MAP4: variants seen among roughly 807,000 people sequenced by gnomAD.
MAP4 encodes microtubule associated protein 4.
A neutral mutation model predicts 170.2 loss-of-function variants in MAP4; 76 were observed. The observed-to-expected ratio is 0.45, with a 90% CI of 0.37 to 0.54. MAP4 has a LOEUF of 0.54. MAP4 is among the 20% of genes least tolerant of loss of function. MAP4 has a pLI of 0.00. For synonymous variants in MAP4, 909 were observed against 994.5 expected, an observed-to-expected ratio of 0.91 and a Z score of 1.62; for missense variants, 2,506 against 2,748.0, an observed-to-expected ratio of 0.91 and a Z score of 1.97.
intron 1 of MAP4, among the ~76,000 whole-genome samples, chr3:48,047,327 C>T (rs1376799181): frequency 2.6e-5 from 4 of 152,064 alleles, no homozygotes; most frequent in Non-Finnish European, 5.9e-5. Flanking sequence ...GACAGTCTCT[C>T]ACCCAGTTCT....
intron 2 of MAP4, 58 bp downstream of exon 2, chr3:47,998,580 G>A: frequency 7.5e-7 from 1 of 1,329,536 alleles, no homozygotes; most frequent in East Asian, 2.3e-5. Context: ...TTATACCAAA[G>A]GCATAATCCC....
intron 3 of MAP4, among the ~76,000 whole-genome samples, chr3:47,950,858 T>C (rs2100063255): frequency 6.6e-6 from 1 of 152,200 alleles, no homozygotes; most frequent in Admixed American, 6.5e-5. Context: ...TTTCTCCCCA[T>C]AGCTGAGTTG....
At chr3:47,904,827 G>A (rs1201189944) in intron 9 of MAP4, among the ~76,000 whole-genome samples, 1 of 146,456 alleles carries the variant, frequency 6.8e-6, no homozygotes, top group African/African-American at 2.5e-5. Context: ...GCAACATCAT[G>A]CGTGGCTACT....
Position 47,916,780 on chromosome 3 carries a change from T to C in MAP4, c.1047A>G (p.Thr349=), listed in dbSNP as rs764483949. ...ETEVAPAKDV[T]LLKETERASP... Reference sequence around the variant, plus strand: ...ATGCCCTCTCTGTTTCTTTCAACAGTGTCACATCCTTGGCTGGGGCTACCT... The same window carrying C: ...ATGCCCTCTCTGTTTCTTTCAACAGCGTCACATCCTTGGCTGGGGCTACCT... The change falls in exon 7 of 21, where the codon ACA becomes ACG. Residue 349 remains threonine, a synonymous_variant. Coordinates refer to ENST00000683076, the MANE Select transcript of MAP4 (RefSeq NM_001385682.1). The C allele has an allele frequency of 1.9e-6, 3 of 1,614,108 alleles. No individual in the cohort carries two copies. The South Asian group carries it at 3.3e-5, about 18-fold the overall frequency.
At position 47,918,711 on chromosome 3, in the gene MAP4, T is replaced by C. The variant is rs778604277; in HGVS notation, c.652+8A>G. On this transcript the variant is annotated splice_region_variant and intron_variant, in intron 6 of 20. Transcript: ENST00000683076. ...ATTAACTGATAAAGGGAGTCTCTAA[T>C]AGTTTACCTGCCGTTGGCTGAGGAG... The C allele has an allele frequency of 2.5e-6, 4 of 1,603,574 alleles. No individual in the cohort carries two copies. The highest frequency in any genetic ancestry group is 1.7e-4 in the Middle Eastern group (1 of 6,034).
chr3:47,896,667 G>T (rs1322271555), intron 10 of MAP4, among the ~76,000 whole-genome samples: 1 of 152,098 alleles, frequency 6.6e-6, no homozygotes, highest in Non-Finnish European at 1.5e-5. Context: ...CTAAGTCCCT[G>T]GACTGGAGAA....
In MAP4 at chr3:47,867,259, G is replaced by A; in HGVS notation, c.6488C>T (p.Pro2163Leu). The A allele has an allele frequency of 6.2e-7, 1 of 1,611,262 alleles. No homozygotes were observed. The highest frequency in any genetic ancestry group is 8.5e-7 in the Non-Finnish European group (1 of 1,177,576). ...GCTTATACTTACATTACCACCTCCA[G>A]GGACATGCTTAATATTGTCCTTGGA... is the stretch of plus-strand genomic sequence containing the variant. ...CGSKDNIKHV[P>L]GGGNVQIQNK... The change falls in exon 17 of 21, where the codon CCT becomes CTT. Residue 2163 changes from proline (P) to leucine (L), a missense_variant. Pro to Leu is a moderately conservative substitution (Grantham distance 98, BLOSUM62 -3). Around this residue, in one of 3 missense-constraint regions of MAP4, gnomAD observed 487 missense variants for 511.6 expected, o/e 0.95. Coordinates refer to ENST00000683076, the MANE Select transcript of MAP4 (RefSeq NM_001385682.1).
In MAP4 at chr3:48,088,014, C is replaced by T. The variant is rs1420729562; in HGVS notation, c.-20+759G>A. On this transcript the variant is annotated intron_variant, in intron 1 of 18. Transcript: ENST00000360240. ...CAAAGCAGCAAATGCATTTAATTTA[C>T]CCGTTCCTGGAAGTGAGCAAAACCC... Among the ~76,000 whole-genome samples the T allele has an allele frequency of 5.9e-5, 9 of 152,124 alleles. No homozygotes were observed. In the South Asian group the frequency reaches 1.4e-3, roughly 24 times the overall value.
intron 2 of MAP4, among the ~76,000 whole-genome samples, chr3:47,983,915 G>A (rs1448146730): frequency 1.3e-5 from 2 of 152,168 alleles, no homozygotes; most frequent in African/African-American, 4.8e-5. Flanking sequence ...TGACTCCTGT[G>A]TCCCTCTGAC....
intron 1 of MAP4, among the ~76,000 whole-genome samples, chr3:48,056,840 T>TGGGG (rs1241693290): frequency 2.4e-5 from 1 of 42,052 alleles, no homozygotes; most frequent in Non-Finnish European, 4.5e-5. Context: ...GGGAGGGAGG[T>TGGGG]GGGGGGGGGG....
intron 1 of MAP4, among the ~76,000 whole-genome samples, chr3:48,001,373 C>T (rs1280189454): frequency 2.0e-5 from 3 of 152,046 alleles, no homozygotes; most frequent in Non-Finnish European, 4.4e-5. Flanking sequence ...CAAATAAAAT[C>T]TAAAAATTTC....
At chr3:47,974,439 G>GT in intron 3 of MAP4, 1 of 979,846 alleles carries the variant, frequency 1.0e-6, no homozygotes, top group South Asian at 4.7e-5. Flanking sequence ...AAAAAACAAT[G>GT]TATATCTCAA....
chr3:47,935,446 G>T (rs1450759224), intron 3 of MAP4, among the ~76,000 whole-genome samples: 1 of 152,154 alleles, frequency 6.6e-6, no homozygotes, highest in South Asian at 2.1e-4. Context: ...AGTTTCAAAG[G>T]CCAAATAGAA....
At chr3:48,017,247 T>G (rs1267313548), upstream of MAP4, among the ~76,000 whole-genome samples, 3 of 152,076 alleles carry the variant, frequency 2.0e-5, no homozygotes, top group African/African-American at 7.2e-5. Context: ...CGTGACAAAA[T>G]AAGCAAAACC....
chr3:47,918,673 C>G, intron 6 of MAP4, 46 bp downstream of exon 6: 1 of 1,492,816 alleles, frequency 6.7e-7, no homozygotes, highest in Non-Finnish European at 9.3e-7. Flanking sequence ...TATTGATTAC[C>G]AATACTGCAA....
chr3:47,919,474 AT>A (rs1442705503), intron 5 of MAP4, among the ~76,000 whole-genome samples: 2 of 151,182 alleles, frequency 1.3e-5, no homozygotes, highest in African/African-American at 4.9e-5. Context: ...CACCTGGCTA[AT>A]TTTTTTGTAT....
At chr3:48,077,618 G>T (rs900444076) in intron 1 of MAP4, among the ~76,000 whole-genome samples, 3 of 150,760 alleles carry the variant, frequency 2.0e-5, no homozygotes, top group Admixed American at 6.6e-5. Flanking sequence ...AGGATTACAG[G>T]CATGTGCCAC....
At chr3:48,042,728 C>T (rs955168760) in intron 1 of MAP4, among the ~76,000 whole-genome samples, 22 of 152,180 alleles carry the variant, frequency 1.4e-4, no homozygotes, top group African/African-American at 5.1e-4. Context: ...ACAGAGTTAC[C>T]ATATGAAAGC....
chr3:47,870,328 C>T (rs886912028), intron 15 of MAP4, among the ~76,000 whole-genome samples: 50 of 152,176 alleles, frequency 3.3e-4, no homozygotes, highest in African/African-American at 9.7e-4. Flanking sequence ...GCTCACAGCA[C>T]GACTCATCCT....
Sources: allele counts gnomAD v4.1 joint callset (sites outside exome capture counted in the v4.1 genomes callset), GRCh38; gene constraint gnomAD v4.1.1; regional missense constraint gnomAD v4.1.1; transcripts MANE v1.5; gene names NCBI Gene and HGNC (gene_info 2026-07-23, HGNC 2026-07-21).